Variants in CYP27C1 observed in about 807,000 individuals in gnomAD.
The protein encoded by CYP27C1 is cytochrome P450 family 27 subfamily C member 1.
A neutral mutation model predicts 40.6 loss-of-function variants in CYP27C1; 29 were observed. That is an observed-to-expected ratio of 0.71 (90% confidence interval 0.53 to 0.97). The LOEUF (loss-of-function observed/expected upper bound fraction) is 0.97. Ranked by LOEUF, CYP27C1 falls within the 50% of genes least tolerant of loss-of-function variation. The probability of loss-of-function intolerance (pLI) is 0.00; values close to 1 mark genes in which losing one functional copy is unlikely to be tolerated. For missense variants in CYP27C1, 390 were observed against 485.8 expected (o/e 0.80, Z 1.85); for synonymous variants, 198 against 186.8 (o/e 1.06, Z -0.49).
chr2:127,190,476 G>A (rs570908610), intron 8 of CYP27C1, among the ~76,000 whole-genome samples: 2 of 149,886 alleles, frequency 1.3e-5, no homozygotes, highest in South Asian at 2.1e-4. Context: ...CCAAGTAGCT[G>A]TGATTATAGG....
intron 5 of CYP27C1, among the ~76,000 whole-genome samples, chr2:127,197,160 T>G (rs1343997089): frequency 1.3e-5 from 2 of 152,220 alleles, no homozygotes; most frequent in Non-Finnish European, 2.9e-5. Flanking sequence ...TTCATTGATT[T>G]CTTCACCTTT....
intron 5 of CYP27C1, among the ~76,000 whole-genome samples, chr2:127,197,251 G>A (rs1005094412): frequency 6.6e-6 from 1 of 152,166 alleles, no homozygotes; most frequent in Non-Finnish European, 1.5e-5. Context: ...GCATCATTTA[G>A]TTTGCATTTA....
chr2:127,205,594 G>T (rs1307772977), intron 2 of CYP27C1: 3 of 792,188 alleles, frequency 3.8e-6, no homozygotes, highest in African/African-American at 1.9e-5. Context: ...AGTTTTGTCT[G>T]CCTCGGTTAT....
In CYP27C1 at chr2:127,204,527, A is replaced by AG. The variant is rs1558931222; in HGVS notation, c.474-957_474-956insC. On this transcript the variant is annotated intron_variant, in intron 2 of 8. Transcript: ENST00000664447. Reference sequence around the variant, plus strand: ...AAGGAAAGAAAGAAGGAAAGAAAGAAAGAAAGAAAGAGAGAGAGAGAGAGA... The same window carrying AG: ...AAGGAAAGAAAGAAGGAAAGAAAGAAGAGAAAGAAAGAGAGAGAGAGAGAGA... Among the ~76,000 whole-genome samples the AG allele has an allele frequency of 4.5e-4, 20 of 44,092 alleles. 1 individual carries two copies. Among genetic ancestry groups the AG allele is most frequent in the East Asian group, 4.5e-3 (4 of 894 alleles). 28.9% of individuals were successfully genotyped at this position (44,092 alleles called of 152,430 possible).
chr2:127,204,538 AGAGAG>A (rs1182937912), intron 2 of CYP27C1, among the ~76,000 whole-genome samples: 18 of 27,440 alleles, frequency 6.6e-4, no homozygotes, highest in African/African-American at 2.4e-3. Context: ...AGAAAGAAAG[AGAGAG>A]AGAGAGAGAG....
rs1348322397 is a variant in CYP27C1, at chr2:127,204,551, G to GAA, written c.474-981_474-980insTT. ...AAAGAAAGAAAGAGAGAGAGAGAGA[G>GAA]AGAGAGAAAGAAAGAAAGAAAGAAA... On this transcript the variant is annotated intron_variant, in intron 2 of 8. Transcript: ENST00000664447. Among the ~76,000 whole-genome samples, 385 of 51,158 alleles carry GAA rather than the reference G, an allele frequency of 7.5e-3. 5 individuals carry two copies. The highest frequency in any genetic ancestry group is 0.027 in the Middle Eastern group (3 of 112). 33.6% of individuals were successfully genotyped at this position (51,158 alleles called of 152,430 possible). A position where few individuals can be genotyped will look rare whatever the true frequency, so the allele number is the denominator to read the frequency against.
At chr2:127,204,461 AAAGAAAGAAAGAAAGAAAGAAAGAAAGG>A (rs1210350413) in intron 2 of CYP27C1, among the ~76,000 whole-genome samples, 23 of 52,112 alleles carry the variant, frequency 4.4e-4, no homozygotes, top group Middle Eastern at 7.1e-3. Flanking sequence ...AGAAAGAAAG[AAAGAAAGAAAGAAAGAAAGAAAGAAAGG>A]AAGGAAGGAA....
At position 127,201,207 on chromosome 2, in the gene CYP27C1, T is replaced by A. The variant is rs766364632; in HGVS notation, c.798A>T (p.Ala266=). The change falls in exon 4 of 9, where the codon GCA becomes GCT. Residue 266 remains alanine (A), a synonymous_variant. Transcript: ENST00000664447. The surrounding 1 kb of genome is among the most constrained non-coding windows in gnomAD (Gnocchi z 6.0). The part of the protein sequence containing the change: ...MFSMFKTSMY[A]GAIPRWLRPF... ...GGCGAAGCCATCTGGGGATGGCGCC[T>A]GCATACATGGAGGTCTTGAACATGC... 1 of 1,614,174 alleles carries A rather than the reference T, an allele frequency of 6.2e-7. No individual in the cohort carries two copies. Among genetic ancestry groups the A allele is most frequent in the Non-Finnish European group, 8.5e-7 (1 of 1,180,038 alleles).
In CYP27C1 at chr2:127,185,869, C is replaced by T. The variant is rs993713088; in HGVS notation, c.*1402G>A. On this transcript the variant is annotated 3_prime_UTR_variant, in exon 9 of 9. Coordinates refer to ENST00000664447, the MANE Select transcript of CYP27C1 (RefSeq NM_001367502.1). The surrounding 1 kb of genome is among the most constrained non-coding windows in gnomAD (Gnocchi z 4.9). ...GAGCATCAGGAAATCACGGTGTTTCCTCTTAGCAACCGGTGAGCAGCAGGA... is the reference window on the plus strand; with the variant it reads ...GAGCATCAGGAAATCACGGTGTTTCTTCTTAGCAACCGGTGAGCAGCAGGA... 1 of 152,166 alleles carries T rather than the reference C, an allele frequency of 6.6e-6. No homozygotes were observed. The allele number at this position is 152,166 out of a possible 1,614,324, so 9.4% of individuals were successfully genotyped here. A position where few individuals can be genotyped will look rare whatever the true frequency, so the allele number is the denominator to read the frequency against.
intron 1 of CYP27C1, among the ~76,000 whole-genome samples, chr2:127,213,548 A>C (rs1169334551): frequency 6.6e-6 from 1 of 152,220 alleles, no homozygotes; most frequent in Non-Finnish European, 1.5e-5. Flanking sequence ...CAAACCTGAC[A>C]AAAACAAGCA....
In CYP27C1 at chr2:127,209,274, C is replaced by T. The variant is rs1196328284; in HGVS notation, c.283-3184G>A. On this transcript the variant is annotated intron_variant, in intron 1 of 8. Coordinates refer to ENST00000664447, the MANE Select transcript of CYP27C1 (RefSeq NM_001367502.1). The surrounding 1 kb of genome is among the most constrained non-coding windows in gnomAD (Gnocchi z 4.1). ...AGCAGCCCTACAGAAGAGGGATTGA[C>T]TATTGAAAGAAAAACAAACAGAAAG... 1.3e-5 allele frequency among the ~76,000 whole-genome samples: 2 copies of T among 151,944 alleles called. No individual in the cohort carries two copies. Among genetic ancestry groups the T allele is most frequent in the African/African-American group, 4.8e-5 (2 of 41,342 alleles).
intron 8 of CYP27C1, among the ~76,000 whole-genome samples, chr2:127,191,298 G>T (rs578124843): frequency 6.6e-6 from 1 of 152,174 alleles, no homozygotes; most frequent in South Asian, 2.1e-4. Context: ...TGCCCAGGTA[G>T]AAATGAGGAC....
chr2:127,218,932 A>G lies in CYP27C1; in HGVS notation c.282+1057T>C, dbSNP rs2104704739. Reference sequence around the variant, plus strand: ...CGCAACGGAGGTGGGCGTGGGAAGGACAGCACTCAGGCTCCAAGTGGGAAG... The same window carrying G: ...CGCAACGGAGGTGGGCGTGGGAAGGGCAGCACTCAGGCTCCAAGTGGGAAG... On this transcript the variant is annotated intron_variant, in intron 1 of 8. Coordinates refer to ENST00000664447, the MANE Select transcript of CYP27C1 (RefSeq NM_001367502.1). The surrounding 1 kb of genome is among the most constrained non-coding windows in gnomAD (Gnocchi z 6.0). Among the ~76,000 whole-genome samples, 1 of 152,278 alleles carries G rather than the reference A, an allele frequency of 6.6e-6. No individual in the cohort carries two copies. Among genetic ancestry groups the G allele is most frequent in the East Asian group, 1.9e-4 (1 of 5,160 alleles).
chr2:127,187,460 T>C, intron 8 of CYP27C1, 73 bp from the exon 9 acceptor site: 2 of 1,341,382 alleles, frequency 1.5e-6, no homozygotes, highest in South Asian at 1.2e-5. Flanking sequence ...TGAATGCTTT[T>C]ACTCTTCCTG....
chr2:127,203,292 G>A, intron 3 of CYP27C1, 80 bp downstream of exon 3: 2 of 1,502,092 alleles, frequency 1.3e-6, no homozygotes, highest in Non-Finnish European at 1.8e-6. Context: ...TGGGACCCAG[G>A]GAATGATCCA....
rs531802783 is a variant in CYP27C1 at position 127,202,972 on chromosome 2, G to T, written c.673+400C>A. The stretch of plus-strand genomic sequence containing the variant: ...TCACGAGGTCAGGAGTTCGAGACCA[G>T]CCTTGCCAACATGGTGAAACACTGT... On this transcript the variant is annotated intron_variant, in intron 3 of 8. Transcript: ENST00000664447. 8.5e-5 allele frequency among the ~76,000 whole-genome samples: 13 copies of T among 152,148 alleles called. No individual in the cohort carries two copies. In the South Asian group the frequency reaches 2.3e-3, roughly 27 times the overall value.
At position 127,186,963 on chromosome 2, in the gene CYP27C1, G is replaced by C. The variant is rs1429890867; in HGVS notation, c.*308C>G. ...TTTCCCTGTACAAGTAAATGCACAG[G>C]ATACTGCCAGTCATTAAATATTGAG... On this transcript the variant is annotated 3_prime_UTR_variant, in exon 9 of 9. Transcript: ENST00000664447. This position sits in a 1 kb window ranked among gnomAD's most constrained non-coding sequence, Gnocchi z 4.5. 1 of 264,634 alleles carries C rather than the reference G, an allele frequency of 3.8e-6. No homozygotes were observed. Among genetic ancestry groups the C allele is most frequent in the African/African-American group, 2.2e-5 (1 of 46,416 alleles). The allele number at this position is 264,634 out of a possible 1,614,324, so 16.4% of individuals were successfully genotyped here.
At chr2:127,204,481 A>AAAGAAAGG (rs1326291982) in intron 2 of CYP27C1, among the ~76,000 whole-genome samples, 2 of 67,046 alleles carry the variant, frequency 3.0e-5, no homozygotes, top group Non-Finnish European at 5.8e-5. Context: ...AGAAAGAAAG[A>AAAGAAAGG]AAGAAAGGAA....
rs927442534 is a variant in CYP27C1 at position 127,196,525 on chromosome 2, T to C, written c.1048-1024A>G. On this transcript the variant is annotated intron_variant, in intron 5 of 8. Coordinates refer to ENST00000664447, the MANE Select transcript of CYP27C1 (RefSeq NM_001367502.1). This position sits in a 1 kb window ranked among gnomAD's most constrained non-coding sequence, Gnocchi z 4.5. Reference sequence around the variant, plus strand: ...AAATGCCACAGTATAAAGGCCTTTCTCTTTCACCAAAAAAAAAAAACTAAT... The same window carrying C: ...AAATGCCACAGTATAAAGGCCTTTCCCTTTCACCAAAAAAAAAAAACTAAT... Among the ~76,000 whole-genome samples, 5 of 106,374 alleles carry C rather than the reference T, an allele frequency of 4.7e-5. No homozygotes were observed. The highest frequency in any genetic ancestry group is 1.8e-4 in the African/African-American group (5 of 27,538). 69.8% of individuals were successfully genotyped at this position (106,374 alleles called of 152,430 possible). A position where few individuals can be genotyped will look rare whatever the true frequency, so the allele number is the denominator to read the frequency against.
Sources: gnomAD v4.1 joint callset for allele counts (sites outside exome capture counted in the v4.1 genomes callset) on GRCh38, gnomAD v4.1.1 for gene constraint, Gnocchi (gnomAD v3.1) non-coding constraint, MANE v1.5 for transcripts, NCBI Gene and HGNC (gene_info 2026-07-23, HGNC 2026-07-21) for gene names.